PRIM2: variants seen among roughly 807,000 people sequenced by gnomAD.
The protein encoded by PRIM2 is DNA primase subunit 2.
A neutral mutation model predicts 67.3 loss-of-function variants in PRIM2; 39 were observed. That is an observed-to-expected ratio of 0.58 (90% CI 0.45 to 0.76). The LOEUF is 0.76. PRIM2 is among the 30% of genes least tolerant of loss of function. PRIM2 has a pLI of 0.00. For missense variants in PRIM2, 398 were observed against 598.7 expected, an observed-to-expected ratio of 0.66 and a Z score of 3.50; for synonymous variants, 143 against 198.7, an observed-to-expected ratio of 0.72 and a Z score of 2.36.
chr6:57,553,102 G>A (rs1775436589), intron 10 of PRIM2, among the ~76,000 whole-genome samples: 1 of 152,158 alleles, frequency 6.6e-6, no homozygotes, highest in African/African-American at 2.4e-5. Context: ...CCATATGTAA[G>A]GATAAAGTCA....
chr6:57,514,160 C>T (rs1554348005), intron 8 of PRIM2, among the ~76,000 whole-genome samples: 1 of 152,074 alleles, frequency 6.6e-6, no homozygotes, highest in Admixed American at 6.6e-5. Flanking sequence ...ATTCCTTTTC[C>T]GAAGGCAGTA....
chr6:57,514,026 A>G (rs2127461764), intron 8 of PRIM2, among the ~76,000 whole-genome samples: 1 of 152,338 alleles, frequency 6.6e-6, no homozygotes, highest in Non-Finnish European at 1.5e-5. Flanking sequence ...GGACTGCATC[A>G]TATGGATTAA....
At chr6:57,377,414 T>G (rs1769805005) in intron 5 of PRIM2, among the ~76,000 whole-genome samples, 1 of 152,060 alleles carries the variant, frequency 6.6e-6, no homozygotes, top group Non-Finnish European at 1.5e-5. Flanking sequence ...TGCTGGAGAT[T>G]GTGTTTCGAA....
At chr6:57,506,684 C>T (rs1447574807) in intron 7 of PRIM2, among the ~76,000 whole-genome samples, 1 of 151,850 alleles carries the variant, frequency 6.6e-6, no homozygotes, top group Non-Finnish European at 1.5e-5. Context: ...AAGGTATTCT[C>T]TTAAGAACAG....
At chr6:57,304,361 T>C in the PRIM2 span, among the ~76,000 whole-genome samples, 1 of 152,228 alleles carries the variant, frequency 6.6e-6, no homozygotes, top group South Asian at 2.1e-4. Flanking sequence ...GCCAATACTG[T>C]ATTATTATGA....
chr6:57,290,523 A>C, the PRIM2 span, among the ~76,000 whole-genome samples: 4 of 152,138 alleles, frequency 2.6e-5, no homozygotes, highest in Non-Finnish European at 5.9e-5. Flanking sequence ...CATCTGTAGA[A>C]CTCTCCAACC....
At chr6:57,302,725 C>G in the PRIM2 span, among the ~76,000 whole-genome samples, 1 of 152,154 alleles carries the variant, frequency 6.6e-6, no homozygotes, top group Non-Finnish European at 1.5e-5. Context: ...CCTAGTACTT[C>G]TCTCCCTAAG....
the PRIM2 span, among the ~76,000 whole-genome samples, chr6:57,278,720 G>A: frequency 2.0e-5 from 3 of 152,100 alleles, no homozygotes; most frequent in African/African-American, 7.2e-5. Context: ...GAGAAAAAAG[G>A]AGTTATGGAT....
chr6:57,428,731 A>C (rs1771715091), intron 7 of PRIM2, among the ~76,000 whole-genome samples: 1 of 152,190 alleles, frequency 6.6e-6, no homozygotes, highest in South Asian at 2.1e-4. Flanking sequence ...GATATTTAAA[A>C]ACTTTTTATT....
Position 57,550,159 on chromosome 6 carries a change from C to T in PRIM2, c.1020+12534C>T, listed in dbSNP as rs1156229672. ...CTTTGTCATTATTATTTTTGGGCAGCAATTTTAAAGGTACTCTTAACAGCT... is the reference window on the plus strand; with the variant it reads ...CTTTGTCATTATTATTTTTGGGCAGTAATTTTAAAGGTACTCTTAACAGCT... On this transcript the variant is annotated intron_variant, in intron 10 of 13. Transcript: ENST00000615550. Among the ~76,000 whole-genome samples, 46 of 151,996 alleles carry T rather than the reference C, an allele frequency of 3.0e-4. 1 individual carries two copies. Among genetic ancestry groups the T allele is most frequent in the Non-Finnish European group, 3.5e-4 (24 of 68,016 alleles).
the PRIM2 span, among the ~76,000 whole-genome samples, chr6:57,245,995 T>C: frequency 1.3e-5 from 2 of 152,250 alleles, no homozygotes; most frequent in East Asian, 3.8e-4. Context: ...CAGACTATTA[T>C]TTTTGTGCTT....
At chr6:57,624,364 C>T (rs1776909240) in intron 12 of PRIM2, among the ~76,000 whole-genome samples, 1 of 152,078 alleles carries the variant, frequency 6.6e-6, no homozygotes, top group African/African-American at 2.4e-5. Flanking sequence ...TTAATGTGCA[C>T]TAAGAAAATC....
intron 7 of PRIM2, among the ~76,000 whole-genome samples, chr6:57,392,637 C>CT (rs1770391281): frequency 6.7e-6 from 1 of 149,986 alleles, no homozygotes; most frequent in African/African-American, 2.5e-5. Flanking sequence ...GGAAAATATT[C>CT]GTTTTTTTTT....
At chr6:57,519,896 T>G (rs1774576151) in intron 8 of PRIM2, among the ~76,000 whole-genome samples, 3 of 152,208 alleles carry the variant, frequency 2.0e-5, no homozygotes, top group Non-Finnish European at 4.4e-5. Context: ...CAATCCACGT[T>G]CTTCTGCCAT....
chr6:57,335,589 C>T (rs1470215517), intron 5 of PRIM2, among the ~76,000 whole-genome samples: 1 of 151,924 alleles, frequency 6.6e-6, no homozygotes, highest in African/African-American at 2.4e-5. Flanking sequence ...GAGGCACCCC[C>T]CAGCAGGGGC....
intron 12 of PRIM2, among the ~76,000 whole-genome samples, chr6:57,626,648 A>T (rs1449214044): frequency 6.0e-5 from 9 of 150,370 alleles, no homozygotes; most frequent in African/African-American, 2.2e-4. Flanking sequence ...TTTTAAAGAC[A>T]GGGTCTCATT....
intron 10 of PRIM2, among the ~76,000 whole-genome samples, chr6:57,563,680 C>T (rs1775682780): frequency 2.0e-5 from 3 of 152,140 alleles, no homozygotes; most frequent in South Asian, 2.1e-4. Flanking sequence ...CTTGCTTTGT[C>T]GCCCAGGTTG....
chr6:57,311,176 C>A (rs548923913), upstream of PRIM2, among the ~76,000 whole-genome samples: 1 of 142,094 alleles, frequency 7.0e-6, no homozygotes, highest in Non-Finnish European at 1.5e-5. Flanking sequence ...ACGGGGCGGC[C>A]GGGCAGAGGC....
intron 7 of PRIM2, among the ~76,000 whole-genome samples, chr6:57,492,544 A>T (rs1554346068): frequency 1.9e-5 from 2 of 105,528 alleles, no homozygotes; most frequent in Non-Finnish European, 2.2e-5. Context: ...ACTCTCTCTA[A>T]AAAAAAAAAA....
Sources: allele counts gnomAD v4.1 joint callset (sites outside exome capture counted in the v4.1 genomes callset), GRCh38; gene constraint gnomAD v4.1.1; transcripts MANE v1.5; gene names NCBI Gene and HGNC (gene_info 2026-07-23, HGNC 2026-07-21).